ARFIP1: variants seen among roughly 807,000 people sequenced by gnomAD.
ARFIP1 encodes the protein arfaptin-1.
A neutral mutation model predicts 42.5 loss-of-function variants in ARFIP1; 24 were observed. The ratio of observed to expected loss-of-function variants is 0.57; its 90% confidence interval spans 0.41 to 0.80. The LOEUF is 0.80. ARFIP1 is among the 30% of genes least tolerant of loss of function. The pLI is 0.00. For synonymous variants in ARFIP1, 141 were observed against 153.7 expected (o/e 0.92, Z 0.61); for missense variants, 354 against 434.0 (o/e 0.82, Z 1.64).
At chr4:152,812,358 C>T (rs1729536269) in intron 1 of ARFIP1, among the ~76,000 whole-genome samples, 1 of 152,122 alleles carries the variant, frequency 6.6e-6, no homozygotes, top group South Asian at 2.1e-4. Context: ...CCAAGCCAGG[C>T]TAATTAAAAA....
intron 1 of ARFIP1, among the ~76,000 whole-genome samples, chr4:152,823,776 CAAAAAAAA>C (rs66556811): frequency 0.055 from 3,474 of 63,152 alleles, 146 homozygotes; most frequent in South Asian, 0.14. Context: ...GTCTCCATCT[CAAAAAAAA>C]AAAAAAAAAA....
chr4:152,827,290 A>G (rs1000313254), intron 1 of ARFIP1, among the ~76,000 whole-genome samples: 3 of 152,234 alleles, frequency 2.0e-5, no homozygotes, highest in African/African-American at 7.2e-5. Context: ...AGCAGTTTTC[A>G]CAGCAAAATT....
At chr4:152,782,948 G>T (rs1470053473) in intron 1 of ARFIP1, among the ~76,000 whole-genome samples, 2 of 151,994 alleles carry the variant, frequency 1.3e-5, no homozygotes, top group Admixed American at 1.3e-4. Flanking sequence ...AGTTTCTTCT[G>T]CTCACAGAAT....
At chr4:152,899,575 T>C (rs1443582187) in intron 8 of ARFIP1, among the ~76,000 whole-genome samples, 1 of 152,230 alleles carries the variant, frequency 6.6e-6, no homozygotes, top group African/African-American at 2.4e-5. Context: ...TGGGAAGTTA[T>C]GATACTTTAT....
At chr4:152,872,312 T>G (rs1734954876) in intron 4 of ARFIP1, 140 bp from the exon 5 acceptor site, 2 of 603,510 alleles carry the variant, frequency 3.3e-6, no homozygotes, top group East Asian at 6.2e-5. Flanking sequence ...TTCCAGGAAG[T>G]TCTAGTTCTT....
intron 8 of ARFIP1, among the ~76,000 whole-genome samples, chr4:152,900,203 T>C (rs1261268512): frequency 6.6e-6 from 1 of 152,032 alleles, no homozygotes; most frequent in Non-Finnish European, 1.5e-5. Flanking sequence ...GAACTAACAC[T>C]GTAAAAACAT....
At chr4:152,789,628 GT>G (rs762998720) in intron 1 of ARFIP1, among the ~76,000 whole-genome samples, 4 of 152,304 alleles carry the variant, frequency 2.6e-5, no homozygotes. Flanking sequence ...TTCTATAAGA[GT>G]TTTTTGTCTA....
chr4:152,836,112 A>G (rs1163476928), intron 2 of ARFIP1, among the ~76,000 whole-genome samples: 1 of 152,248 alleles, frequency 6.6e-6, no homozygotes, highest in African/African-American at 2.4e-5. Flanking sequence ...ACGAACATCC[A>G]AAACCATATG....
intron 1 of ARFIP1, among the ~76,000 whole-genome samples, chr4:152,787,925 G>A (rs185355143): frequency 2.6e-5 from 4 of 152,340 alleles, no homozygotes; most frequent in Admixed American, 6.5e-5. Context: ...TCTTTCAAGT[G>A]TATGGAAATA....
chr4:152,782,051 T>TG lies in ARFIP1; in HGVS notation c.-10+1826dup, dbSNP rs76464963. Among the ~76,000 whole-genome samples, 181 of 152,096 alleles carry TG rather than the reference T, an allele frequency of 1.2e-3. 4 individuals carry two copies. In the East Asian group the frequency reaches 0.027, roughly 22 times the overall value. On this transcript the variant is annotated intron_variant, in intron 1 of 8. Coordinates refer to ENST00000353617, the MANE Select transcript of ARFIP1 (RefSeq NM_001025595.3). The stretch of plus-strand genomic sequence containing the variant: ...GAAGTTAGTGAAAACAGGTTTTGTG[T>TG]GTGTATGTGTGTGTGTGTTTTCCAC...
At chr4:152,808,324 G>A (rs1456163738) in intron 1 of ARFIP1, among the ~76,000 whole-genome samples, 1 of 32,354 alleles carries the variant, frequency 3.1e-5, no homozygotes, top group African/African-American at 9.4e-5. Context: ...TTTTGTAGCA[G>A]TAGTTTGTTG....
At chr4:152,888,080 TGAACATAC>T in intron 7 of ARFIP1, 45 bp from the exon 8 acceptor site, 4 of 1,447,190 alleles carry the variant, frequency 2.8e-6, no homozygotes, top group Admixed American at 2.4e-5. Context: ...ACCCATTTTT[TGAACATAC>T]TTTACTGTTC....
chr4:152,837,203 A>G (rs1561132556), intron 2 of ARFIP1, among the ~76,000 whole-genome samples: 1 of 152,242 alleles, frequency 6.6e-6, no homozygotes, highest in East Asian at 1.9e-4. Flanking sequence ...GGTTGTTTCC[A>G]TGATTTTGCT....
chr4:152,799,678 C>T (rs534207632), intron 1 of ARFIP1, among the ~76,000 whole-genome samples: 24 of 152,222 alleles, frequency 1.6e-4, no homozygotes, highest in South Asian at 4.1e-4. Flanking sequence ...ATTATGTATA[C>T]GGTACGTATC....
intron 2 of ARFIP1, among the ~76,000 whole-genome samples, chr4:152,849,666 G>A (rs1247455495): frequency 2.6e-5 from 4 of 152,046 alleles, no homozygotes; most frequent in African/African-American, 9.7e-5. Context: ...GTGTGTCTGT[G>A]GCAGGCAGGT....
At chr4:152,806,825 G>A (rs954749911) in intron 1 of ARFIP1, among the ~76,000 whole-genome samples, 5 of 148,406 alleles carry the variant, frequency 3.4e-5, no homozygotes, top group Non-Finnish European at 7.4e-5. Context: ...CTCAACGTAA[G>A]TTTTTTTTTC....
intron 1 of ARFIP1, among the ~76,000 whole-genome samples, chr4:152,808,168 C>T (rs188645917): frequency 2.2e-4 from 34 of 151,372 alleles, no homozygotes; most frequent in Admixed American, 7.2e-4. Flanking sequence ...TTAGTGGAGA[C>T]GGAGTTTCTC....
rs1460770826 is a variant in ARFIP1, at chr4:152,829,749, T to C, written c.93+23T>C. The C allele has an allele frequency of 2.6e-6, 4 of 1,521,486 alleles. No homozygotes were observed. The African/African-American group carries it at 5.5e-5, about 21-fold the overall frequency. 94.2% of individuals were successfully genotyped at this position (1,521,486 alleles called of 1,614,324 possible). A position where few individuals can be genotyped will look rare whatever the true frequency, so the allele number is the denominator to read the frequency against. On this transcript the variant is annotated intron_variant, in intron 2 of 8. Transcript: ENST00000353617. ...AGGGTAAGAACACTTTTCTTTCTCTTAATGCAAAGAATCATGGTAAGTCTT... is the reference window on the plus strand; with the variant it reads ...AGGGTAAGAACACTTTTCTTTCTCTCAATGCAAAGAATCATGGTAAGTCTT...
chr4:152,881,088 T>G lies in ARFIP1; in HGVS notation c.537T>G (p.Ala179=), dbSNP rs749315002. The change falls in exon 6 of 9, where the codon GCT becomes GCG. Residue 179 remains alanine, a synonymous_variant. Coordinates refer to ENST00000353617, the MANE Select transcript of ARFIP1 (RefSeq NM_001025595.3). The part of the protein sequence containing the change: ...KKKYENILKL[A]QTLSTQLFQM... ...AATATGAAAATATTTTAAAACTGGC[T>G]CAAACATTGTCGACCCAGCTTTTCC... 3.1e-6 allele frequency: 5 copies of G among 1,613,860 alleles called. No homozygotes were observed. The Admixed American group carries it at 8.3e-5, about 27-fold the overall frequency.
Sources: gnomAD v4.1 joint callset for allele counts (sites outside exome capture counted in the v4.1 genomes callset) on GRCh38, gnomAD v4.1.1 for gene constraint, MANE v1.5 for transcripts, NCBI Gene and HGNC (gene_info 2026-07-23, HGNC 2026-07-21) for gene names.